Variants in STX12 observed in about 807,000 individuals in gnomAD.
The protein encoded by STX12 is syntaxin-12.
STX12 carries 17 observed loss-of-function variants against 42.2 expected under a neutral mutation model. That is an observed-to-expected ratio of 0.40 (90% confidence interval 0.28 to 0.60). STX12 has a LOEUF of 0.60. STX12 is among the 20% of genes least tolerant of loss of function. The probability of loss-of-function intolerance (pLI) is 0.39; values close to 1 mark genes in which losing one functional copy is unlikely to be tolerated. For synonymous variants in STX12, 108 were observed against 116.7 expected, an observed-to-expected ratio of 0.93 and a Z score of 0.48; for missense variants, 297 against 330.9, an observed-to-expected ratio of 0.90 and a Z score of 0.79.
chr1:27,805,441 A>G (rs776555877), intron 4 of STX12, among the ~76,000 whole-genome samples: 11 of 152,162 alleles, frequency 7.2e-5, no homozygotes, highest in African/African-American at 2.4e-4. Context: ...CATTTTTGCA[A>G]ATTTTTTTTA....
At chr1:27,801,121 G>C (rs1004839335) in intron 3 of STX12, among the ~76,000 whole-genome samples, 15 of 152,174 alleles carry the variant, frequency 9.9e-5, no homozygotes, top group African/African-American at 3.6e-4. Context: ...AATACAGGCT[G>C]GGCACAGTGA....
At chr1:27,798,919 AC>A (rs1419468028) in intron 3 of STX12, among the ~76,000 whole-genome samples, 4 of 150,346 alleles carry the variant, frequency 2.7e-5, no homozygotes, top group Admixed American at 6.7e-5. Flanking sequence ...ACACCACTGC[AC>A]CCCAGCTTGG....
At chr1:27,776,191 A>G in intron 1 of STX12, among the ~76,000 whole-genome samples, 1 of 152,188 alleles carries the variant, frequency 6.6e-6, no homozygotes, top group East Asian at 1.9e-4. Flanking sequence ...TAGTAATATT[A>G]ATAGCTAACA....
chr1:27,804,708 C>T (rs914826811), intron 4 of STX12, among the ~76,000 whole-genome samples: 2 of 148,426 alleles, frequency 1.3e-5, no homozygotes, highest in African/African-American at 5.0e-5. Flanking sequence ...CTACTCAGGA[C>T]GCTGAGGCAG....
intron 6 of STX12, among the ~76,000 whole-genome samples, chr1:27,817,506 C>T (rs1460349676): frequency 6.6e-6 from 1 of 152,182 alleles, no homozygotes; most frequent in Non-Finnish European, 1.5e-5. Context: ...GGGAGGCACT[C>T]AACAGGCTTT....
At chr1:27,819,767 T>C in intron 8 of STX12, 35 bp downstream of exon 8, 1 of 1,592,324 alleles carries the variant, frequency 6.3e-7, no homozygotes, top group South Asian at 1.1e-5. Context: ...CACTCTGTGT[T>C]GCAGACTTTT....
intron 1 of STX12, among the ~76,000 whole-genome samples, chr1:27,782,376 A>C (rs906961278): frequency 2.0e-5 from 3 of 152,096 alleles, no homozygotes; most frequent in African/African-American, 7.2e-5. Flanking sequence ...GGGGTTACAA[A>C]CTTGAACCAC....
chr1:27,803,943 G>A (rs1431438659), intron 4 of STX12, among the ~76,000 whole-genome samples: 2 of 152,086 alleles, frequency 1.3e-5, no homozygotes, highest in Admixed American at 6.5e-5. Context: ...AGAGGTTGCA[G>A]TGAGCTGAGA....
chr1:27,819,757 C>CA, intron 8 of STX12, 25 bp downstream of exon 8: 2 of 1,606,270 alleles, frequency 1.2e-6, no homozygotes, highest in Non-Finnish European at 1.7e-6. Flanking sequence ...CAAAGAAAGT[C>CA]ACTCTGTGTT....
chr1:27,776,386 C>T (rs1195081823), intron 1 of STX12, among the ~76,000 whole-genome samples: 1 of 152,110 alleles, frequency 6.6e-6, no homozygotes, highest in Non-Finnish European at 1.5e-5. Context: ...TCTCTTATGA[C>T]CAGCAATTTG....
At chr1:27,789,879 G>A (rs185055141) in intron 2 of STX12, among the ~76,000 whole-genome samples, 139 of 152,258 alleles carry the variant, frequency 9.1e-4, no homozygotes, top group Non-Finnish European at 1.1e-3. Context: ...GAACAATTTA[G>A]GGAAGTAGAA....
chr1:27,795,705 GC>G (rs1248103440), intron 3 of STX12, among the ~76,000 whole-genome samples: 1 of 152,082 alleles, frequency 6.6e-6, no homozygotes, highest in African/African-American at 2.4e-5. Context: ...TGGAGTTTTG[GC>G]CCCCACTTGC....
At chr1:27,791,462 C>G (rs1403953722) in intron 2 of STX12, among the ~76,000 whole-genome samples, 2 of 152,136 alleles carry the variant, frequency 1.3e-5, no homozygotes, top group Non-Finnish European at 2.9e-5. Flanking sequence ...ACTCCTGATT[C>G]TTTTTATCAC....
intron 3 of STX12, among the ~76,000 whole-genome samples, chr1:27,798,728 A>G (rs2088805044): frequency 6.7e-6 from 1 of 149,636 alleles, no homozygotes; most frequent in African/African-American, 2.5e-5. Flanking sequence ...AGAAAAAAAA[A>G]AAAACTCGTG....
At chr1:27,798,383 G>T (rs1018781049) in intron 3 of STX12, among the ~76,000 whole-genome samples, 3 of 151,662 alleles carry the variant, frequency 2.0e-5, no homozygotes, top group Non-Finnish European at 4.4e-5. Flanking sequence ...GGTGGCTCAT[G>T]CCTATAATCC....
intron 2 of STX12, 93 bp from the exon 3 acceptor site, chr1:27,793,440 C>T: frequency 9.6e-7 from 1 of 1,038,722 alleles, no homozygotes; most frequent in Non-Finnish European, 1.4e-6. Flanking sequence ...CCCTTCATTC[C>T]CTACGTTATG....
intron 8 of STX12, among the ~76,000 whole-genome samples, chr1:27,821,989 GC>G (rs934370807): frequency 6.6e-6 from 1 of 151,980 alleles, no homozygotes; most frequent in Non-Finnish European, 1.5e-5. Flanking sequence ...CGGCACTCCA[GC>G]CTGGGTGACG....
At chr1:27,817,543 T>C (rs1557808328) in intron 6 of STX12, among the ~76,000 whole-genome samples, 1 of 152,224 alleles carries the variant, frequency 6.6e-6, no homozygotes, top group Non-Finnish European at 1.5e-5. Context: ...AGTCTCCACA[T>C]AGGGCTATCA....
chr1:27,775,145 A>G (rs925657512), intron 1 of STX12, among the ~76,000 whole-genome samples: 3 of 152,332 alleles, frequency 2.0e-5, no homozygotes, highest in South Asian at 4.1e-4. Flanking sequence ...AGCTAAATCT[A>G]ATTTTAATAT....
Sources: allele counts gnomAD v4.1 joint callset (sites outside exome capture counted in the v4.1 genomes callset), GRCh38; gene constraint gnomAD v4.1.1; transcripts MANE v1.5; gene names NCBI Gene and HGNC (gene_info 2026-07-23, HGNC 2026-07-21).